Variants in NAP1L4 observed in about 807,000 individuals in gnomAD.
The protein encoded by NAP1L4 is nucleosome assembly protein 1 like 4, also known as nucleosome assembly protein 1-like 4.
Under a neutral mutation model 58.2 loss-of-function variants are expected in NAP1L4, and 15 were observed. The observed-to-expected ratio is 0.26, with a 90% CI of 0.17 to 0.40. NAP1L4 has a LOEUF of 0.40. Ranked by LOEUF, NAP1L4 falls within the 10% of genes least tolerant of loss-of-function variation. The probability of loss-of-function intolerance (pLI) is 1.00; values close to 1 mark genes in which losing one functional copy is unlikely to be tolerated. For missense variants in NAP1L4, 384 were observed against 451.1 expected (o/e 0.85, Z 1.35); for synonymous variants, 171 against 155.6 (o/e 1.10, Z -0.74).
rs1370979845 is a variant in NAP1L4 at position 2,959,416 on chromosome 11, A to G, written c.746+354T>C. Among the ~76,000 whole-genome samples the G allele has an allele frequency of 6.6e-6, 1 of 152,262 alleles. No individual in the cohort carries two copies. The highest frequency in any genetic ancestry group is 1.9e-4 in the East Asian group (1 of 5,206). On this transcript the variant is annotated intron_variant, in intron 9 of 15. Transcript: ENST00000380542. This position sits in a 1 kb window ranked among gnomAD's most constrained non-coding sequence, Gnocchi z 4.9. ...TATAGCCCTGGACTCAGACTCATTCATTCAATAAGTATTTATTTGCTGAGG... is the reference window on the plus strand; with the variant it reads ...TATAGCCCTGGACTCAGACTCATTCGTTCAATAAGTATTTATTTGCTGAGG...
rs928879159 is a variant in NAP1L4, at chr11:2,958,299, G to GA, written c.892+99dup. The GA allele has an allele frequency of 2.6e-5, 34 of 1,292,718 alleles. No homozygotes were observed. The African/African-American group carries it at 4.7e-4, about 18-fold the overall frequency. 80.1% of individuals were successfully genotyped at this position (1,292,718 alleles called of 1,614,324 possible). ...GTGCCCCTACTGACCACACTTGCCT[G>GA]AAAAAAGAGGACTAAAGTCTCTGGG... is the stretch of plus-strand genomic sequence containing the variant. On this transcript the variant is annotated intron_variant, in intron 10 of 15. Coordinates refer to ENST00000380542, the MANE Select transcript of NAP1L4 (RefSeq NM_005969.4).
rs563926647 is a variant in NAP1L4 at position 2,952,199 on chromosome 11, A to G, written c.1036-390T>C. 17 of 246,352 alleles carry G rather than the reference A, an allele frequency of 6.9e-5. No individual in the cohort carries two copies. In the South Asian group the frequency reaches 1.1e-3, roughly 16 times the overall value. 15.3% of individuals were successfully genotyped at this position (246,352 alleles called of 1,614,324 possible). A position where few individuals can be genotyped will look rare whatever the true frequency, so the allele number is the denominator to read the frequency against. ...CTACAAGGCTGATCGAACCAGCAGC[A>G]TAATGTTATTGGATACAGGAATCTG... On this transcript the variant is annotated intron_variant, in intron 12 of 15. Coordinates refer to ENST00000380542, the MANE Select transcript of NAP1L4 (RefSeq NM_005969.4).
At chr11:2,984,050 T>C (rs568755796) in intron 1 of NAP1L4, among the ~76,000 whole-genome samples, 3 of 150,362 alleles carry the variant, frequency 2.0e-5, no homozygotes, top group South Asian at 2.1e-4. Context: ...TCCCAGCTAC[T>C]TGAGTGGCTG....
At chr11:2,961,406 C>T (rs1409878334) in intron 8 of NAP1L4, among the ~76,000 whole-genome samples, 2 of 151,602 alleles carry the variant, frequency 1.3e-5, no homozygotes, top group Admixed American at 1.3e-4. Flanking sequence ...AAAGGCCAGT[C>T]ACCTGCCTGG....
intron 8 of NAP1L4, among the ~76,000 whole-genome samples, chr11:2,963,325 T>G (rs1847059530): frequency 6.6e-6 from 1 of 152,088 alleles, no homozygotes; most frequent in African/African-American, 2.4e-5. Context: ...TAGGCAGACG[T>G]GCCCAGGCGG....
chr11:2,958,711 AAG>A, intron 9 of NAP1L4, 167 bp from the exon 10 acceptor site: 1 of 645,612 alleles, frequency 1.5e-6, no homozygotes, highest in East Asian at 2.8e-5. Flanking sequence ...GGTTGGCAAA[AAG>A]AGAAACAGCC....
At chr11:2,947,869 T>C (rs144255488) in intron 15 of NAP1L4, among the ~76,000 whole-genome samples, 211 of 152,308 alleles carry the variant, frequency 1.4e-3, no homozygotes, top group African/African-American at 4.7e-3. Context: ...CACTCGACCA[T>C]AGCTGCGCTG....
intron 1 of NAP1L4, among the ~76,000 whole-genome samples, chr11:2,982,727 T>G (rs142285793): frequency 2.7e-3 from 414 of 152,336 alleles, no homozygotes; most frequent in Non-Finnish European, 4.9e-3. Flanking sequence ...TCATTAAAGA[T>G]TCTGTTGCTG....
chr11:2,976,169 C>G, intron 3 of NAP1L4, 46 bp from the exon 4 acceptor site: 1 of 1,467,612 alleles, frequency 6.8e-7, no homozygotes, highest in Non-Finnish European at 9.4e-7. Context: ...GCCCACCACA[C>G]ACAATAGCCA....
intron 1 of NAP1L4, chr11:2,990,090 C>T (rs931772430): frequency 6.6e-6 from 1 of 151,844 alleles, no homozygotes; most frequent in Non-Finnish European, 1.5e-5. Flanking sequence ...AAAACAGTAC[C>T]GGATTTAAAG....
chr11:2,951,694 C>T lies in NAP1L4; in HGVS notation c.1065+86G>A. The stretch of plus-strand genomic sequence containing the variant: ...GTCACAAAAAATGGGTTTAACACAG[C>T]CCTGTGAGTCCATAACCTTCAAGCA... On this transcript the variant is annotated intron_variant, in intron 13 of 15. Transcript: ENST00000380542. This position sits in a 1 kb window ranked among gnomAD's most constrained non-coding sequence, Gnocchi z 4.0. 7.2e-7 allele frequency: 1 copy of T among 1,391,250 alleles called. No homozygotes were observed. 86.2% of individuals were successfully genotyped at this position (1,391,250 alleles called of 1,614,324 possible).
At chr11:2,968,991 T>G (rs1426627247) in intron 7 of NAP1L4, among the ~76,000 whole-genome samples, 1 of 62,278 alleles carries the variant, frequency 1.6e-5, no homozygotes. Flanking sequence ...TTGTGTTGTT[T>G]TTTTTTTTTT....
At chr11:2,987,459 TA>T in intron 1 of NAP1L4, among the ~76,000 whole-genome samples, 1 of 151,070 alleles carries the variant, frequency 6.6e-6, no homozygotes, top group Non-Finnish European at 1.5e-5. Flanking sequence ...TGATAATGTT[TA>T]AAAGCAATGA....
rs1259182092 is a variant in NAP1L4, at chr11:2,954,078, C to CT, written c.1035+448dup. 1.3e-5 allele frequency among the ~76,000 whole-genome samples: 2 copies of CT among 151,934 alleles called. No individual in the cohort carries two copies. The highest frequency in any genetic ancestry group is 2.9e-5 in the Non-Finnish European group (2 of 67,954). ...TTGTTTTCTTCGGGAGCACGGGTTTCTTTTTTTTCCTTTTTACCTAATTAG... is the reference window on the plus strand; with the variant it reads ...TTGTTTTCTTCGGGAGCACGGGTTTCTTTTTTTTTCCTTTTTACCTAATTAG... On this transcript the variant is annotated intron_variant, in intron 12 of 15. Transcript: ENST00000380542. The surrounding 1 kb of genome is among the most constrained non-coding windows in gnomAD (Gnocchi z 4.8).
intron 8 of NAP1L4, among the ~76,000 whole-genome samples, chr11:2,964,415 A>C (rs1847134272): frequency 6.6e-6 from 1 of 152,206 alleles, no homozygotes; most frequent in South Asian, 2.1e-4. Context: ...CATGGTCTGC[A>C]TCACTGTCAA....
chr11:2,969,447 C>A (rs1467581838), intron 7 of NAP1L4, among the ~76,000 whole-genome samples: 1 of 152,148 alleles, frequency 6.6e-6, no homozygotes, highest in Non-Finnish European at 1.5e-5. Flanking sequence ...CCCTTTCCTG[C>A]ACACTCACAC....
chr11:2,945,701 T>C (rs1845904893), intron 15 of NAP1L4, 55 bp from the exon 16 acceptor site: 2 of 1,413,118 alleles, frequency 1.4e-6, no homozygotes, highest in Non-Finnish European at 1.9e-6. Flanking sequence ...CATTCACCAA[T>C]TAGCTCCAAT....
intron 12 of NAP1L4, among the ~76,000 whole-genome samples, chr11:2,953,904 T>C (rs1246624327): frequency 6.6e-6 from 1 of 152,182 alleles, no homozygotes; most frequent in Admixed American, 6.5e-5. Flanking sequence ...CAAAACTTTA[T>C]TTTCCACAGA....
In NAP1L4 at chr11:2,949,663, C is replaced by T. The variant is rs151008812; in HGVS notation, c.1123-399G>A. 3.2e-3 allele frequency among the ~76,000 whole-genome samples: 480 copies of T among 152,310 alleles called. 6 individuals are homozygous for T. The highest frequency in any genetic ancestry group is 0.011 in the African/African-American group (458 of 41,562). ...TCCCTTCTCCCCCAACCAACATAAC[C>T]GTTTATCAAAGGTTTCATGGGGTGT... is the stretch of plus-strand genomic sequence containing the variant. On this transcript the variant is annotated intron_variant, in intron 14 of 15. Coordinates refer to ENST00000380542, the MANE Select transcript of NAP1L4 (RefSeq NM_005969.4). This position sits in a 1 kb window ranked among gnomAD's most constrained non-coding sequence, Gnocchi z 4.0.
Sources: allele counts gnomAD v4.1 joint callset (sites outside exome capture counted in the v4.1 genomes callset), GRCh38; gene constraint gnomAD v4.1.1; non-coding constraint Gnocchi (gnomAD v3.1); transcripts MANE v1.5; gene names NCBI Gene and HGNC (gene_info 2026-07-23, HGNC 2026-07-21).